The following OSBPL10 variants were observed in gnomAD, a reference collection of about 807,000 sequenced individuals.
OSBPL10 encodes oxysterol binding protein like 10, also known as oxysterol-binding protein-related protein 10.
OSBPL10 carries 49 observed loss-of-function variants against 81.7 expected under a neutral mutation model. The ratio of observed to expected loss-of-function variants is 0.60; its 90% CI spans 0.48 to 0.76. The LOEUF (loss-of-function observed/expected upper bound fraction) is 0.76, where lower values mean the gene tolerates loss of function less well. Among genes scored for constraint, OSBPL10 ranks in the 30% least tolerant of loss-of-function variants. The pLI, the probability that OSBPL10 is intolerant of heterozygous loss-of-function variation, is 0.00. For synonymous variants in OSBPL10, 419 were observed against 383.6 expected (o/e 1.09, Z -1.08); for missense variants, 923 against 987.8 (o/e 0.93, Z 0.88).
chr3:31,938,280 C>T lies in OSBPL10; in HGVS notation c.281+42619G>A, dbSNP rs1575047044. ...GCCCACTAACCAATGATCTCAACTC[C>T]CTCACACTCTCTTAAACACTCACTC... is the stretch of plus-strand genomic sequence containing the variant. On this transcript the variant is annotated intron_variant, in intron 1 of 11. Coordinates refer to ENST00000396556, the MANE Select transcript of OSBPL10 (RefSeq NM_017784.5). 2.0e-5 allele frequency among the ~76,000 whole-genome samples: 3 copies of T among 152,232 alleles called. No individual in the cohort carries two copies. In the East Asian group the frequency reaches 5.8e-4, roughly 29 times the overall value.
At position 31,830,181 on chromosome 3, in the gene OSBPL10, T is replaced by G. The variant is rs753251994; in HGVS notation, c.588A>C (p.Thr196=). ...SRSLTLLPHG[T]PNSASPCSQR... ...GGCTACAGGGAGACGCAGAATTGGG[T>G]GTTCCATGTGGGAGCAAAGTGAGAC... Residue 196 remains threonine, a synonymous_variant, in exon 4 of 12, where the codon ACA becomes ACC. Transcript: ENST00000396556. 5 of 1,613,950 alleles carry G rather than the reference T, an allele frequency of 3.1e-6. No homozygotes were observed. The African/African-American group carries it at 6.7e-5, about 22-fold the overall frequency.
chr3:31,665,936 C>T (rs1700178158), intron 10 of OSBPL10, among the ~76,000 whole-genome samples: 2 of 152,074 alleles, frequency 1.3e-5, no homozygotes, highest in South Asian at 2.1e-4. Flanking sequence ...GGTGATGGGA[C>T]CAGAACCACA....
chr3:32,024,759 C>T (rs1699389065), intron 2 of OSBPL10, among the ~76,000 whole-genome samples: 1 of 152,142 alleles, frequency 6.6e-6, no homozygotes, highest in South Asian at 2.1e-4. Flanking sequence ...CAGGCATGAG[C>T]TACCGTGCCC....
chr3:31,762,468 T>G (rs1479030244), intron 4 of OSBPL10, among the ~76,000 whole-genome samples: 1 of 151,630 alleles, frequency 6.6e-6, no homozygotes, highest in African/African-American at 2.4e-5. Context: ...CAAGGCTGGT[T>G]ACTGTTTTTT....
intron 2 of OSBPL10, among the ~76,000 whole-genome samples, chr3:32,041,649 T>TTCTTTCTC (rs538205494): frequency 9.2e-5 from 3 of 32,626 alleles, no homozygotes; most frequent in Admixed American, 5.7e-4. Context: ...CTTTCTTTCT[T>TTCTTTCTC]TTTCTTTCTT....
In OSBPL10 at chr3:31,980,981, C is replaced by A. The variant is rs750430465; in HGVS notation, c.199G>T (p.Gly67Trp). ...GGCTCCCTCCTGCGGCCGCCTCCCC[C>A]GGACGGGCTAGCGGCCACAGAGCCC... ...SPGSVAASPS[G>W]GGGRRREPAL... is the part of the protein sequence containing the mutation. Residue 67 changes from glycine to tryptophan, a missense_variant, in exon 1 of 12, where the codon GGG (glycine) becomes TGG (tryptophan). By Grantham distance (184) the Gly-to-Trp change is radical. Coordinates refer to ENST00000396556, the MANE Select transcript of OSBPL10 (RefSeq NM_017784.5). The A allele has an allele frequency of 6.4e-7, 1 of 1,556,188 alleles. No homozygotes were observed.
chr3:31,748,449 CCTT>C (rs1279158341), intron 4 of OSBPL10, among the ~76,000 whole-genome samples: 2 of 152,106 alleles, frequency 1.3e-5, no homozygotes, highest in South Asian at 2.1e-4. Flanking sequence ...CCTTTAGAGT[CCTT>C]CTTCTACGGA....
In OSBPL10 at chr3:31,747,942, G is replaced by GCCT; in HGVS notation, c.905_907dup (p.Gln302_Ala303insGlu). 6.2e-7 allele frequency: 1 copy of GCCT among 1,613,800 alleles called. No homozygotes were observed. Among genetic ancestry groups the GCCT allele is most frequent in the South Asian group, 1.1e-5 (1 of 91,062 alleles). ...TCCTGGCTTCTGGCTGGGCTGGCCC[G>GCCT]CCTGGTGCACACTCTGCTGTAACAA... On this transcript the variant is annotated inframe_insertion, in exon 5 of 12. Coordinates refer to ENST00000396556, the MANE Select transcript of OSBPL10 (RefSeq NM_017784.5).
intron 2 of OSBPL10, among the ~76,000 whole-genome samples, chr3:31,996,091 C>T (rs1470393484): frequency 6.6e-6 from 1 of 152,176 alleles, no homozygotes; most frequent in Non-Finnish European, 1.5e-5. Flanking sequence ...GCAGAATGTT[C>T]TTGACTGGAT....
chr3:31,969,933 T>G (rs1192091246), intron 1 of OSBPL10, among the ~76,000 whole-genome samples: 10 of 137,004 alleles, frequency 7.3e-5, no homozygotes, highest in African/African-American at 1.7e-4. Flanking sequence ...TATGCGGGGG[T>G]GGGGGGCGCG....
chr3:31,970,236 C>T (rs113434155), intron 1 of OSBPL10, among the ~76,000 whole-genome samples: 1 of 152,120 alleles, frequency 6.6e-6, no homozygotes. Flanking sequence ...ATTCCTCCCC[C>T]TCCCCACAAG....
At chr3:32,027,888 A>C (rs1699431459) in intron 2 of OSBPL10, among the ~76,000 whole-genome samples, 1 of 152,214 alleles carries the variant, frequency 6.6e-6, no homozygotes, top group Admixed American at 6.5e-5. Flanking sequence ...AAGCAAGAGA[A>C]GACCTTGAGC....
At chr3:31,873,126 T>A (rs934184253) in intron 3 of OSBPL10, among the ~76,000 whole-genome samples, 1 of 150,144 alleles carries the variant, frequency 6.7e-6, no homozygotes, top group Non-Finnish European at 1.5e-5. Flanking sequence ...CAGTGGTGGT[T>A]ACTCGACTCT....
chr3:31,810,770 G>T (rs561365462), intron 4 of OSBPL10, among the ~76,000 whole-genome samples: 1 of 152,152 alleles, frequency 6.6e-6, no homozygotes, highest in Non-Finnish European at 1.5e-5. Context: ...AAATGCAAAA[G>T]GTTTGACGGC....
At chr3:31,744,369 G>A (rs150571066) in intron 5 of OSBPL10, among the ~76,000 whole-genome samples, 17 of 151,828 alleles carry the variant, frequency 1.1e-4, no homozygotes, top group East Asian at 3.9e-4. Context: ...GGAGAAATCC[G>A]GTCCTTACTA....
intron 4 of OSBPL10, among the ~76,000 whole-genome samples, chr3:31,759,130 G>T (rs1399933317): frequency 6.6e-6 from 1 of 152,076 alleles, no homozygotes; most frequent in African/African-American, 2.4e-5. Context: ...AAACATGTTG[G>T]TAACAAGGGG....
At chr3:31,870,121 G>A (rs928130167) in intron 3 of OSBPL10, among the ~76,000 whole-genome samples, 1 of 152,224 alleles carries the variant, frequency 6.6e-6, no homozygotes. Context: ...AGGTGTGGAG[G>A]GACAGGCGCA....
At chr3:31,760,079 A>G (rs2125718980) in intron 4 of OSBPL10, among the ~76,000 whole-genome samples, 1 of 152,218 alleles carries the variant, frequency 6.6e-6, no homozygotes, top group Middle Eastern at 3.4e-3. Flanking sequence ...GTTATTTTAA[A>G]AATCGCAAGG....
At chr3:31,881,396 G>A (rs1695574013) in intron 1 of OSBPL10, among the ~76,000 whole-genome samples, 1 of 152,164 alleles carries the variant, frequency 6.6e-6, no homozygotes, top group Admixed American at 6.5e-5. Flanking sequence ...TACATTTTTT[G>A]AGGGATACAT....
Sources: allele counts gnomAD v4.1 joint callset (sites outside exome capture counted in the v4.1 genomes callset), GRCh38; gene constraint gnomAD v4.1.1; transcripts MANE v1.5; gene names NCBI Gene and HGNC (gene_info 2026-07-23, HGNC 2026-07-21).